CPLX2: variants seen among roughly 807,000 people sequenced by gnomAD.
CPLX2 encodes complexin-2.
CPLX2 carries 5 observed loss-of-function variants against 16.3 expected under a neutral mutation model. The ratio of observed to expected loss-of-function variants is 0.31; its 90% CI spans 0.16 to 0.64. CPLX2 has a LOEUF of 0.64. Ranked by LOEUF, CPLX2 falls within the 30% of genes least tolerant of loss-of-function variation. CPLX2 has a pLI of 0.79. For missense variants in CPLX2, 144 were observed against 181.4 expected (o/e 0.79, Z 1.18); for synonymous variants, 89 against 73.2 (o/e 1.22, Z -1.10).
intron 2 of CPLX2, among the ~76,000 whole-genome samples, chr5:175,818,848 A>C (rs1758457508): frequency 6.6e-6 from 1 of 151,518 alleles, no homozygotes; most frequent in East Asian, 1.9e-4. Flanking sequence ...TTTAGTAGAG[A>C]TGGGGTTTCA....
intron 2 of CPLX2, among the ~76,000 whole-genome samples, chr5:175,843,520 C>T (rs1223698635): frequency 6.6e-6 from 1 of 152,248 alleles, no homozygotes; most frequent in Non-Finnish European, 1.5e-5. Context: ...AAGGCACACT[C>T]GTGGCCTCCT....
chr5:175,880,713 TTG>T lies in CPLX2; in HGVS notation c.*671_*672del, dbSNP rs1434514898. On this transcript the variant is annotated 3_prime_UTR_variant, in exon 4 of 4. Coordinates refer to ENST00000393745, the MANE Select transcript of CPLX2 (RefSeq NM_001008220.2). ...GGATCCTTTGTGGACTTTAGCTCAT[TTG>T]TGGAGGAACCCCAGGTAGGGACGCC... 1.3e-5 allele frequency: 2 copies of T among 153,226 alleles called. No individual in the cohort carries two copies. Among genetic ancestry groups the T allele is most frequent in the Admixed American group, 6.5e-5 (1 of 15,352 alleles). 9.5% of individuals were successfully genotyped at this position (153,226 alleles called of 1,614,324 possible).
Sources: gnomAD v4.1 joint callset for allele counts (sites outside exome capture counted in the v4.1 genomes callset) on GRCh38, gnomAD v4.1.1 for gene constraint, MANE v1.5 for transcripts, NCBI Gene and HGNC (gene_info 2026-07-23, HGNC 2026-07-21) for gene names.